The following GOLGA1 variants were observed in gnomAD, a reference collection of about 807,000 sequenced individuals.
GOLGA1 encodes the protein golgin A1, also known as golgin subfamily A member 1.
A neutral mutation model predicts 119.7 loss-of-function variants in GOLGA1; 63 were observed. That is an observed-to-expected ratio of 0.53 (90% CI 0.43 to 0.65). The LOEUF is 0.65. GOLGA1 is among the 30% of genes least tolerant of loss of function. GOLGA1 has a pLI of 0.00. For missense variants in GOLGA1, 798 were observed against 912.8 expected (o/e 0.87, Z 1.62); for synonymous variants, 318 against 333.4 (o/e 0.95, Z 0.50).
chr9:124,906,413 AGAGT>A (rs1245074017), intron 12 of GOLGA1, among the ~76,000 whole-genome samples: 1 of 151,854 alleles, frequency 6.6e-6, no homozygotes, highest in African/African-American at 2.4e-5. Context: ...CCTGGGCGAC[AGAGT>A]GAGACTCTAT....
At chr9:124,906,225 G>A (rs977104176) in intron 12 of GOLGA1, among the ~76,000 whole-genome samples, 1 of 151,706 alleles carries the variant, frequency 6.6e-6, no homozygotes, top group African/African-American at 2.4e-5. Context: ...CCTAAGGTCA[G>A]GAGTTTGAGA....
intron 15 of GOLGA1, among the ~76,000 whole-genome samples, chr9:124,890,945 A>T (rs1829842248): frequency 6.6e-6 from 1 of 152,138 alleles, no homozygotes; most frequent in Non-Finnish European, 1.5e-5. Context: ...GCTTGAACCC[A>T]GGAGTTCAAG....
At chr9:124,928,360 A>G (rs1382967471) in intron 5 of GOLGA1, 75 bp from the exon 6 acceptor site, 1 of 701,448 alleles carries the variant, frequency 1.4e-6, no homozygotes, top group Non-Finnish European at 2.4e-6. Context: ...ATGTGATTAC[A>G]ACTGTCACCT....
In GOLGA1 at chr9:124,888,067, G is replaced by C. The variant is rs1209917479; in HGVS notation, c.1905+186C>G. The stretch of plus-strand genomic sequence containing the variant: ...GGGGTGGGGAGAAGAGGGCTGGGGA[G>C]GGTGTGGAGGAGGACAGTGCAGGAG... On this transcript the variant is annotated intron_variant, in intron 19 of 22. Transcript: ENST00000373555. The surrounding 1 kb of genome is among the most constrained non-coding windows in gnomAD (Gnocchi z 4.4). 6.6e-6 allele frequency among the ~76,000 whole-genome samples: 1 copy of C among 152,166 alleles called. No homozygotes were observed. Among genetic ancestry groups the C allele is most frequent in the Non-Finnish European group, 1.5e-5 (1 of 68,022 alleles).
rs1240547144 is a variant in GOLGA1, at chr9:124,911,882, C to A, written c.969+19G>T. 1 of 1,606,940 alleles carries A rather than the reference C, an allele frequency of 6.2e-7. No individual in the cohort carries two copies. The highest frequency in any genetic ancestry group is 1.3e-5 in the African/African-American group (1 of 74,698). ...CCTGCCTTTCCAACACCAGCCAGCCCAAAGAGAACAGAAGTTACCTCTTTC... is the reference window on the plus strand; with the variant it reads ...CCTGCCTTTCCAACACCAGCCAGCCAAAAGAGAACAGAAGTTACCTCTTTC... On this transcript the variant is annotated intron_variant, in intron 11 of 22. Coordinates refer to ENST00000373555, the MANE Select transcript of GOLGA1 (RefSeq NM_002077.4).
At chr9:124,894,208 G>C (rs1348176826) in intron 15 of GOLGA1, among the ~76,000 whole-genome samples, 1 of 152,128 alleles carries the variant, frequency 6.6e-6, no homozygotes, top group African/African-American at 2.4e-5. Flanking sequence ...TACCCTACCT[G>C]CGGCTCCTTT....
intron 12 of GOLGA1, among the ~76,000 whole-genome samples, chr9:124,906,843 G>C (rs1042562550): frequency 2.0e-5 from 3 of 152,092 alleles, no homozygotes; most frequent in Non-Finnish European, 2.9e-5. Context: ...GACATCTATT[G>C]AGAAAAATGT....
chr9:124,926,634 G>A, intron 7 of GOLGA1, 75 bp downstream of exon 7: 2 of 897,112 alleles, frequency 2.2e-6, no homozygotes, highest in Non-Finnish European at 3.8e-6. Context: ...CAGTATGTTG[G>A]TTACCGGATA....
At chr9:124,898,667 A>T (rs769069607) in intron 14 of GOLGA1, 23 bp from the exon 15 acceptor site, 14 of 1,411,904 alleles carry the variant, frequency 9.9e-6, no homozygotes, top group African/African-American at 7.0e-5. Flanking sequence ...AAGAACACAT[A>T]TAAAAGAAGT....
chr9:124,912,229 A>G (rs1451095284), intron 10 of GOLGA1, among the ~76,000 whole-genome samples: 4 of 152,220 alleles, frequency 2.6e-5, no homozygotes, highest in Non-Finnish European at 5.9e-5. Context: ...GCTCAGACCT[A>G]GTGCAGCAAG....
At chr9:124,895,274 A>G (rs562813105) in intron 15 of GOLGA1, among the ~76,000 whole-genome samples, 2 of 148,398 alleles carry the variant, frequency 1.3e-5, no homozygotes, top group Non-Finnish European at 3.0e-5. Context: ...AACCATCCAC[A>G]ACAGAGAACC....
At chr9:124,931,850 C>T (rs568189529) in intron 3 of GOLGA1, among the ~76,000 whole-genome samples, 92 of 152,246 alleles carry the variant, frequency 6.0e-4, no homozygotes, top group African/African-American at 2.0e-3. Flanking sequence ...ATGAAACAAA[C>T]GGATATCAAT....
intron 15 of GOLGA1, among the ~76,000 whole-genome samples, chr9:124,894,668 C>A (rs917372530): frequency 6.6e-6 from 1 of 152,074 alleles, no homozygotes; most frequent in African/African-American, 2.4e-5. Context: ...CTCCCAGGAC[C>A]CCCATCTCAG....
chr9:124,931,162 TAACAA>T (rs1830764132), intron 4 of GOLGA1, among the ~76,000 whole-genome samples, 149 bp downstream of exon 4: 1 of 152,146 alleles, frequency 6.6e-6, no homozygotes, highest in Non-Finnish European at 1.5e-5. Context: ...TTTACTACAC[TAACAA>T]AAGAAGAGGG....
At chr9:124,882,451 G>C in intron 20 of GOLGA1, 59 bp downstream of exon 20, 1 of 1,277,908 alleles carries the variant, frequency 7.8e-7, no homozygotes, top group Non-Finnish European at 1.1e-6. Flanking sequence ...CAGGAGGACC[G>C]GGCACAGGCA....
intron 2 of GOLGA1, among the ~76,000 whole-genome samples, 165 bp from the exon 3 acceptor site, chr9:124,939,031 A>C (rs1830940140): frequency 6.6e-6 from 1 of 152,244 alleles, no homozygotes; most frequent in African/African-American, 2.4e-5. Flanking sequence ...TCATATGCAT[A>C]TACAGATGAA....
At position 124,912,004 on chromosome 9, in the gene GOLGA1, T is replaced by A. The variant is rs2131454091; in HGVS notation, c.866A>T (p.Lys289Ile). 1.2e-6 allele frequency: 2 copies of A among 1,613,548 alleles called. No homozygotes were observed. Among genetic ancestry groups the A allele is most frequent in the East Asian group, 2.2e-5 (1 of 44,874 alleles). The change falls in exon 11 of 23, where the codon AAA (lysine) becomes ATA (isoleucine). Residue 289 changes from lysine to isoleucine, a missense_variant. Physicochemically the swap from Lys to Ile is moderately radical, Grantham distance 102. Transcript: ENST00000373555. ...LQKVTAETQE[K>I]EDVITHLQEK... Reference sequence around the variant, plus strand: ...TTGCAAATGTGTGATAACGTCTTCTTTCTCTTGAGTTTCAGCAGTGACCTG... The same window carrying A: ...TTGCAAATGTGTGATAACGTCTTCTATCTCTTGAGTTTCAGCAGTGACCTG...
rs199661381 is a variant in GOLGA1, at chr9:124,931,401, G to T, written c.141C>A (p.Ser47=). The T allele has an allele frequency of 3.9e-6, 6 of 1,551,696 alleles. No individual in the cohort carries two copies. The highest frequency in any genetic ancestry group is 1.7e-5 in the Admixed American group (1 of 59,922). Residue 47 remains serine, a synonymous_variant, in exon 4 of 23, where the codon TCC becomes TCA. Transcript: ENST00000373555. ...GATCTTCTCTGGAGCTGCTTCCATC[G>T]GAAGCCTGTTGAGGTAGACACAAGG... The part of the protein sequence containing the change: ...MGADSGDDFA[S]DGSSSREDLS...
intron 19 of GOLGA1, among the ~76,000 whole-genome samples, chr9:124,883,810 ACTC>A (rs1185419021): frequency 7.1e-6 from 1 of 141,164 alleles, no homozygotes; most frequent in African/African-American, 2.7e-5. Flanking sequence ...CAGTCTTTGA[ACTC>A]CTGGGCTCAA....
Sources: allele counts gnomAD v4.1 joint callset (sites outside exome capture counted in the v4.1 genomes callset), GRCh38; gene constraint gnomAD v4.1.1; non-coding constraint Gnocchi (gnomAD v3.1); transcripts MANE v1.5; gene names NCBI Gene and HGNC (gene_info 2026-07-23, HGNC 2026-07-21).